POLR3B: variants seen among roughly 807,000 people sequenced by gnomAD.
POLR3B encodes DNA-directed RNA polymerase III subunit RPC2.
Under a neutral mutation model 147.4 loss-of-function variants are expected in POLR3B, and 96 were observed. That is an observed-to-expected ratio of 0.65 (90% CI 0.55 to 0.77). POLR3B has a LOEUF of 0.77. POLR3B is among the 30% of genes least tolerant of loss of function. POLR3B has a pLI of 0.00. For missense variants in POLR3B, 1,036 were observed against 1,413.5 expected (o/e 0.73, Z 4.28); for synonymous variants, 461 against 485.9 (o/e 0.95, Z 0.67).
chr12:106,372,575 A>C lies in POLR3B; in HGVS notation c.404+2892A>C, dbSNP rs142572183. On this transcript the variant is annotated intron_variant, in intron 6 of 27. Transcript: ENST00000228347. ...AGGCTGGTCATGAACTCCTGACCTC[A>C]TGTGATCCACTCGCCTCGGTCTCCC... Among the ~76,000 whole-genome samples the C allele has an allele frequency of 3.6e-3, 555 of 152,086 alleles. 8 individuals are homozygous for C. Among genetic ancestry groups the C allele is most frequent in the East Asian group, 0.016 (85 of 5,166 alleles).
At chr12:106,411,300 G>A (rs956058368) in intron 12 of POLR3B, among the ~76,000 whole-genome samples, 3 of 152,066 alleles carry the variant, frequency 2.0e-5, no homozygotes, top group East Asian at 3.9e-4. Flanking sequence ...CACCGTGCCC[G>A]GCTAATTTTG....
intron 4 of POLR3B, among the ~76,000 whole-genome samples, chr12:106,368,855 C>T (rs1253849834): frequency 6.6e-6 from 1 of 151,968 alleles, no homozygotes; most frequent in Admixed American, 6.6e-5. Flanking sequence ...TCATTAGTTT[C>T]CGCTTTATCC....
intron 6 of POLR3B, among the ~76,000 whole-genome samples, chr12:106,373,766 T>A (rs937148470): frequency 6.6e-6 from 1 of 151,720 alleles, no homozygotes; most frequent in South Asian, 2.1e-4. Context: ...AAAAAAAAAA[T>A]CTCTTAAATG....
chr12:106,480,889 GA>G lies in POLR3B; in HGVS notation c.2714-15165del, dbSNP rs367988132. Among the ~76,000 whole-genome samples, 418 of 152,074 alleles carry G rather than the reference GA, an allele frequency of 2.7e-3. 1 individual carries two copies. The highest frequency in any genetic ancestry group is 8.5e-3 in the African/African-American group (354 of 41,436). ...GAGATGAGAAAAGATTGAAAGCTGG[GA>G]GGGGGGATGGGAAGCATGTGAGGGG... On this transcript the variant is annotated intron_variant, in intron 23 of 27. Coordinates refer to ENST00000228347, the MANE Select transcript of POLR3B (RefSeq NM_018082.6).
At chr12:106,421,445 T>A (rs2037372713) in intron 12 of POLR3B, among the ~76,000 whole-genome samples, 1 of 152,140 alleles carries the variant, frequency 6.6e-6, no homozygotes, top group South Asian at 2.1e-4. Flanking sequence ...TATCAAACTT[T>A]TAAGTTTTTG....
chr12:106,378,093 A>G (rs142379869), intron 7 of POLR3B, among the ~76,000 whole-genome samples, 174 bp from the exon 8 acceptor site: 4 of 152,312 alleles, frequency 2.6e-5, no homozygotes, highest in African/African-American at 9.6e-5. Context: ...TTCTCAAAAA[A>G]TAAAATAAAA....
chr12:106,377,794 C>T (rs540572545), intron 7 of POLR3B, among the ~76,000 whole-genome samples: 79 of 152,280 alleles, frequency 5.2e-4, no homozygotes, highest in African/African-American at 1.8e-3. Flanking sequence ...TGCTGATCTT[C>T]AGTCCATAAA....
At chr12:106,463,728 A>T (rs79103522) in intron 23 of POLR3B, 108 bp downstream of exon 23, 1 of 859,326 alleles carries the variant, frequency 1.2e-6, no homozygotes, top group South Asian at 1.5e-5. Flanking sequence ...GAAAAGTATT[A>T]CATTGTTATA....
chr12:106,411,135 CT>C (rs892449212), intron 12 of POLR3B, among the ~76,000 whole-genome samples, 175 bp downstream of exon 12: 7 of 149,142 alleles, frequency 4.7e-5, no homozygotes, highest in East Asian at 2.0e-4. Flanking sequence ...AACATTAATT[CT>C]TTTTTTTTTG....
chr12:106,360,324 G>A (rs1158996954), intron 1 of POLR3B, among the ~76,000 whole-genome samples: 3 of 152,266 alleles, frequency 2.0e-5, no homozygotes, highest in South Asian at 2.1e-4. Context: ...TCCTCAGTCT[G>A]ACCAGTGCTT....
At chr12:106,484,277 G>A (rs1335519147) in intron 23 of POLR3B, among the ~76,000 whole-genome samples, 1 of 152,284 alleles carries the variant, frequency 6.6e-6, no homozygotes, top group East Asian at 1.9e-4. Context: ...CAATCACAAA[G>A]CATTTGTGTC....
rs1555213087 is a variant in POLR3B at position 106,426,222 on chromosome 12, T to TGTGTGTG, written c.1102-975_1102-974insGTGTGTG. 3.9e-3 allele frequency among the ~76,000 whole-genome samples: 506 copies of TGTGTGTG among 131,220 alleles called. 4 individuals are homozygous for TGTGTGTG. The highest frequency in any genetic ancestry group is 0.014 in the East Asian group (61 of 4,372). 86.1% of individuals were successfully genotyped at this position (131,220 alleles called of 152,430 possible). ...AAATTGTAAGGGCAGGGCCTGCAATTTGTGTGTGTGTGTGTGTGTGTGTGT... is the reference window on the plus strand; with the variant it reads ...AAATTGTAAGGGCAGGGCCTGCAATTGTGTGTGTGTGTGTGTGTGTGTGTGTGTGTGT... On this transcript the variant is annotated intron_variant, in intron 12 of 27. Coordinates refer to ENST00000228347, the MANE Select transcript of POLR3B (RefSeq NM_018082.6).
intron 23 of POLR3B, among the ~76,000 whole-genome samples, chr12:106,464,569 T>C (rs1434853735): frequency 6.6e-6 from 1 of 152,220 alleles, no homozygotes; most frequent in African/African-American, 2.4e-5. Context: ...CCACACTGAC[T>C]GTTAAGCAGT....
At chr12:106,441,752 A>C (rs1031434913) in intron 18 of POLR3B, among the ~76,000 whole-genome samples, 1 of 152,100 alleles carries the variant, frequency 6.6e-6, no homozygotes, top group African/African-American at 2.4e-5. Flanking sequence ...TTTAGTTTTC[A>C]TTCGAACTAA....
At chr12:106,410,000 A>G (rs1028003297) in intron 11 of POLR3B, among the ~76,000 whole-genome samples, 1 of 152,198 alleles carries the variant, frequency 6.6e-6, no homozygotes, top group Non-Finnish European at 1.5e-5. Flanking sequence ...TGTTTCTGCT[A>G]GAGAAGATTG....
At position 106,410,809 on chromosome 12, in the gene POLR3B, C is replaced by T; in HGVS notation, c.967-17C>T. ...TGTCCATTTTCTCAAAATTTTTCTC[C>T]AATTTCTGACTTACAGGTTAAGGAA... On this transcript the variant is annotated splice_polypyrimidine_tract_variant and intron_variant, in intron 11 of 27. Coordinates refer to ENST00000228347, the MANE Select transcript of POLR3B (RefSeq NM_018082.6). 1.2e-6 allele frequency: 2 copies of T among 1,612,720 alleles called. No homozygotes were observed. The highest frequency in any genetic ancestry group is 1.7e-6 in the Non-Finnish European group (2 of 1,179,084).
rs555187649 is a variant in POLR3B at position 106,398,844 on chromosome 12, A to G, written c.846+5691A>G. Among the ~76,000 whole-genome samples the G allele has an allele frequency of 3.7e-3, 556 of 152,324 alleles. 6 individuals are homozygous for G. Among genetic ancestry groups the G allele is most frequent in the African/African-American group, 0.013 (526 of 41,560 alleles). On this transcript the variant is annotated intron_variant, in intron 10 of 27. Transcript: ENST00000228347. ...AAAAACCCATCTGTACGTCACCATC[A>G]TCAAAGACCAAAGGTAGATGAAACC...
intron 12 of POLR3B, among the ~76,000 whole-genome samples, chr12:106,420,863 C>G (rs1035076296): frequency 2.2e-4 from 33 of 152,254 alleles, no homozygotes; most frequent in African/African-American, 7.9e-4. Context: ...TTACCAATAG[C>G]ATTTCATTTA....
At chr12:106,499,717 A>C (rs367550132) in intron 25 of POLR3B, among the ~76,000 whole-genome samples, 1 of 152,214 alleles carries the variant, frequency 6.6e-6, no homozygotes, top group Admixed American at 6.5e-5. Context: ...TAGAGAGGTC[A>C]TGTAATTACT....
Sources: allele counts gnomAD v4.1 joint callset (sites outside exome capture counted in the v4.1 genomes callset), GRCh38; gene constraint gnomAD v4.1.1; transcripts MANE v1.5; gene names NCBI Gene and HGNC (gene_info 2026-07-23, HGNC 2026-07-21).